MAL: variants seen among roughly 807,000 people sequenced by gnomAD.
MAL encodes the protein mal, T cell differentiation protein (MAL blood group), also known as myelin and lymphocyte protein.
A neutral mutation model predicts 16.7 loss-of-function variants in MAL; 5 were observed. That is an observed-to-expected ratio of 0.30 (90% CI 0.16 to 0.63). The LOEUF (loss-of-function observed/expected upper bound fraction) is 0.63. Among genes scored for constraint, MAL ranks in the 30% least tolerant of loss-of-function variants. MAL has a pLI of 0.82. For missense variants in MAL, 202 were observed against 195.8 expected (o/e 1.03, Z -0.19); for synonymous variants, 96 against 85.5 (o/e 1.12, Z -0.67).
chr2:95,039,970 G>A lies in MAL; in HGVS notation c.94-7989G>A, dbSNP rs145526738. 3.8e-3 allele frequency among the ~76,000 whole-genome samples: 586 copies of A among 152,254 alleles called. 4 individuals carry two copies. Among genetic ancestry groups the A allele is most frequent in the Admixed American group, 7.3e-3 (112 of 15,304 alleles). On this transcript the variant is annotated intron_variant, in intron 1 of 3. Coordinates refer to ENST00000309988, the MANE Select transcript of MAL (RefSeq NM_002371.4). Reference sequence around the variant, plus strand: ...TTGCGGAAGCCTTCAGCATTTAGGGGTCTTGGGTCTTCCCCTGACCTCCTG... The same window carrying A: ...TTGCGGAAGCCTTCAGCATTTAGGGATCTTGGGTCTTCCCCTGACCTCCTG...
At chr2:95,037,372 GTGACTGAGTGAT>G (rs1179040060) in intron 1 of MAL, among the ~76,000 whole-genome samples, 2 of 149,926 alleles carry the variant, frequency 1.3e-5, no homozygotes, top group Non-Finnish European at 3.0e-5. Flanking sequence ...GAGTGAGTGA[GTGACTGAGTGAT>G]TGACTGAGTG....
Position 95,048,086 on chromosome 2 carries a change from T to C in MAL, c.221T>C (p.Ile74Thr), listed in dbSNP as rs1674632180. Residue 74 changes from isoleucine to threonine, a missense_variant, in exon 2 of 4, where the codon ATA becomes ACA. Coordinates refer to ENST00000309988, the MANE Select transcript of MAL (RefSeq NM_002371.4). Reference sequence around the variant, plus strand: ...ACCACCACCTTGATCATCCTGTACATAATTGGAGCCCACGGTGGAGAGACT... The same window carrying C: ...ACCACCACCTTGATCATCCTGTACACAATTGGAGCCCACGGTGGAGAGACT... ...VATTTLIILY[I>T]IGAHGGETSW... 1 of 1,613,300 alleles carries C rather than the reference T, an allele frequency of 6.2e-7. No homozygotes were observed. Among genetic ancestry groups the C allele is most frequent in the African/African-American group, 1.3e-5 (1 of 74,866 alleles).
chr2:95,037,225 C>T (rs1383751109), intron 1 of MAL, among the ~76,000 whole-genome samples: 1 of 95,764 alleles, frequency 1.0e-5, no homozygotes, highest in Non-Finnish European at 2.1e-5. Flanking sequence ...GACTGAGTGA[C>T]CAAGTGAGTG....
intron 1 of MAL, among the ~76,000 whole-genome samples, chr2:95,037,227 AAGTGAGTGAGTGACTG>A (rs1290559313): frequency 4.3e-5 from 3 of 70,042 alleles, no homozygotes; most frequent in Admixed American, 1.3e-4. Context: ...CTGAGTGACC[AAGTGAGTGAGTGACTG>A]AGTGAGTGAA....
At chr2:95,031,933 G>T (rs1558656179) in intron 1 of MAL, among the ~76,000 whole-genome samples, 2 of 152,242 alleles carry the variant, frequency 1.3e-5, no homozygotes, top group African/African-American at 4.8e-5. Flanking sequence ...TGAGGACTCA[G>T]TAACTTTGAG....
chr2:95,039,316 GTGAGTGAGT>G (rs1674374957), intron 1 of MAL, among the ~76,000 whole-genome samples: 1 of 150,534 alleles, frequency 6.6e-6, no homozygotes. Flanking sequence ...GGGTGAGTGA[GTGAGTGAGT>G]GACTGAGTGA....
At chr2:95,030,593 T>C (rs1674054572) in intron 1 of MAL, among the ~76,000 whole-genome samples, 1 of 152,150 alleles carries the variant, frequency 6.6e-6, no homozygotes, top group African/African-American at 2.4e-5. Context: ...CCCCTACCCA[T>C]TCAGGACTTG....
At chr2:95,037,884 G>A (rs1034523974) in intron 1 of MAL, among the ~76,000 whole-genome samples, 2 of 151,450 alleles carry the variant, frequency 1.3e-5, no homozygotes, top group Non-Finnish European at 2.9e-5. Flanking sequence ...GAGAGACTGA[G>A]TGACCGAGTG....
In MAL at chr2:95,044,708, G is replaced by C. The variant is rs1455143117; in HGVS notation, c.94-3251G>C. 3 of 152,272 alleles carry C rather than the reference G, an allele frequency of 2.0e-5. No individual in the cohort carries two copies. In the East Asian group the frequency reaches 5.8e-4, roughly 29 times the overall value. 9.4% of individuals were successfully genotyped at this position (152,272 alleles called of 1,614,324 possible). On this transcript the variant is annotated intron_variant, in intron 1 of 3. Transcript: ENST00000309988. Reference sequence around the variant, plus strand: ...GAATTTCCCAGGGAGCTGGAAAATAGTCTTCATCAGGTTGGTAAAAGCACA... The same window carrying C: ...GAATTTCCCAGGGAGCTGGAAAATACTCTTCATCAGGTTGGTAAAAGCACA...
intron 1 of MAL, among the ~76,000 whole-genome samples, chr2:95,036,294 G>T (rs571193529): frequency 6.6e-6 from 1 of 152,098 alleles, no homozygotes; most frequent in African/African-American, 2.4e-5. Flanking sequence ...AGAGAATCTC[G>T]GACCCCTCCC....
intron 1 of MAL, among the ~76,000 whole-genome samples, chr2:95,032,001 A>C (rs1358479341): frequency 6.6e-6 from 1 of 152,236 alleles, no homozygotes; most frequent in Non-Finnish European, 1.5e-5. Flanking sequence ...GGATTGTCAG[A>C]CATGTGTCAT....
intron 1 of MAL, among the ~76,000 whole-genome samples, chr2:95,047,181 G>C (rs1434292880): frequency 6.6e-6 from 1 of 152,146 alleles, no homozygotes; most frequent in African/African-American, 2.4e-5. Flanking sequence ...AAGTAGGAGG[G>C]CTAGAATATC....
rs771527865 is a variant in MAL at position 95,048,048 on chromosome 2, C to G, written c.183C>G (p.Phe61Leu). 1.9e-6 allele frequency: 3 copies of G among 1,613,952 alleles called. No homozygotes were observed. Among genetic ancestry groups the G allele is most frequent in the Admixed American group, 1.7e-5 (1 of 60,006 alleles). ...GCTGGGTGATGTTCGTGTCTGTGTT[C>G]TGCTTCGTGGCCACCACCACCTTGA... Reference protein sequence around the residue: ...VQGWVMFVSVFCFVATTTLII... With the variant: ...VQGWVMFVSVLCFVATTTLII... Residue 61 changes from phenylalanine (F) to leucine (L), a missense_variant, in exon 2 of 4, where the codon TTC becomes TTG. Transcript: ENST00000309988.
chr2:95,047,282 T>C (rs1674613286), intron 1 of MAL, among the ~76,000 whole-genome samples: 1 of 152,222 alleles, frequency 6.6e-6, no homozygotes, highest in Admixed American at 6.5e-5. Flanking sequence ...CTACCTCAGT[T>C]TCCTCATCTG....
intron 1 of MAL, among the ~76,000 whole-genome samples, chr2:95,039,142 G>C (rs1385163486): frequency 1.3e-5 from 2 of 151,730 alleles, no homozygotes; most frequent in African/African-American, 4.8e-5. Flanking sequence ...GTGAGTGAGT[G>C]AGTGACTGAG....
At chr2:95,049,460 A>T (rs1573301942) in intron 2 of MAL, 121 bp from the exon 3 acceptor site, 1 of 1,186,380 alleles carries the variant, frequency 8.4e-7, no homozygotes, top group Non-Finnish European at 1.1e-6. Context: ...CAAGGTTGGG[A>T]GGGGTGGGAT....
At chr2:95,035,080 T>G (rs1674173877) in intron 1 of MAL, among the ~76,000 whole-genome samples, 1 of 152,168 alleles carries the variant, frequency 6.6e-6, no homozygotes, top group Admixed American at 6.5e-5. Flanking sequence ...AGGGTGAAAC[T>G]GACAAAGGCT....
chr2:95,029,559 T>A (rs1264297049), intron 1 of MAL, among the ~76,000 whole-genome samples: 3 of 152,238 alleles, frequency 2.0e-5, no homozygotes, highest in Non-Finnish European at 4.4e-5. Flanking sequence ...ATTCTCATAT[T>A]TGCCTCTGTA....
intron 1 of MAL, among the ~76,000 whole-genome samples, chr2:95,035,662 C>T (rs1372649019): frequency 6.7e-6 from 1 of 149,618 alleles, no homozygotes; most frequent in Non-Finnish European, 1.5e-5. Context: ...CCACTCAGCT[C>T]TTAGATTTTT....
Sources: gnomAD v4.1 joint callset for allele counts (sites outside exome capture counted in the v4.1 genomes callset) on GRCh38, gnomAD v4.1.1 for gene constraint, MANE v1.5 for transcripts, NCBI Gene and HGNC (gene_info 2026-07-23, HGNC 2026-07-21) for gene names.